Variants in CCDC69 observed in about 807,000 individuals in gnomAD.
CCDC69 encodes coiled-coil domain-containing protein 69.
In CCDC69, 38 loss-of-function variants were observed where a neutral mutation model predicts 40.3. The observed-to-expected ratio is 0.94, with a 90% CI of 0.73 to 1.24. CCDC69 has a LOEUF of 1.24. CCDC69 is among the 50% of genes most tolerant of loss of function. The pLI, the probability that CCDC69 is intolerant of heterozygous loss-of-function variation, is 0.00. For missense variants in CCDC69, 389 were observed against 357.9 expected, an observed-to-expected ratio of 1.09 and a Z score of -0.70; for synonymous variants, 141 against 138.9, an observed-to-expected ratio of 1.02 and a Z score of -0.11.
chr5:151,208,285 T>C (rs1752881699), intron 1 of CCDC69, among the ~76,000 whole-genome samples: 2 of 151,982 alleles, frequency 1.3e-5, no homozygotes, highest in Admixed American at 1.3e-4. Flanking sequence ...AGTCAAACTA[T>C]GAAGAGGCTA....
intron 1 of CCDC69, among the ~76,000 whole-genome samples, chr5:151,207,454 G>C (rs2113997609): frequency 6.6e-6 from 1 of 151,910 alleles, no homozygotes; most frequent in East Asian, 1.9e-4. Flanking sequence ...ACCACGCCCG[G>C]CTAATTTTTT....
intron 4 of CCDC69, among the ~76,000 whole-genome samples, chr5:151,194,081 C>A (rs1752661144): frequency 6.6e-6 from 1 of 152,218 alleles, no homozygotes; most frequent in Non-Finnish European, 1.5e-5. Context: ...CATGAAGTAG[C>A]AACGGTATAA....
chr5:151,213,891 C>G (rs933505282), intron 1 of CCDC69, among the ~76,000 whole-genome samples: 10 of 152,356 alleles, frequency 6.6e-5, no homozygotes, highest in Admixed American at 2.0e-4. Flanking sequence ...GCCTGGCTTC[C>G]TCTGAGCATG....
At chr5:151,219,204 G>A (rs55894958) in intron 1 of CCDC69, among the ~76,000 whole-genome samples, 2 of 152,162 alleles carry the variant, frequency 1.3e-5, no homozygotes, top group African/African-American at 2.4e-5. Flanking sequence ...CTTACCAACC[G>A]AGCTAGAAGA....
At chr5:151,222,067 C>T (rs916981995) in intron 1 of CCDC69, among the ~76,000 whole-genome samples, 1 of 152,256 alleles carries the variant, frequency 6.6e-6, no homozygotes, top group Non-Finnish European at 1.5e-5. Flanking sequence ...CTAAAGTCAT[C>T]AAGAAGCCAC....
intron 4 of CCDC69, among the ~76,000 whole-genome samples, chr5:151,189,471 A>C (rs1752577278): frequency 6.6e-6 from 1 of 152,142 alleles, no homozygotes; most frequent in Non-Finnish European, 1.5e-5. Context: ...TTAGAAAAAA[A>C]AATGAACGGA....
rs541362765 is a variant in CCDC69 at position 151,182,928 on chromosome 5, G to A, written c.*509C>T. The A allele has an allele frequency of 2.7e-5, 11 of 408,048 alleles. No homozygotes were observed. The East Asian group carries it at 7.9e-4, about 29-fold the overall frequency. 25.3% of individuals were successfully genotyped at this position (408,048 alleles called of 1,614,324 possible). A position where few individuals can be genotyped will look rare whatever the true frequency, so the allele number is the denominator to read the frequency against. On this transcript the variant is annotated 3_prime_UTR_variant, in exon 9 of 9. Coordinates refer to ENST00000355417, the MANE Select transcript of CCDC69 (RefSeq NM_015621.3). Reference sequence around the variant, plus strand: ...CTACTCTGGCCTTCAGACAATCCTAGAATGGGACACTGCAGTGACATAAGA... The same window carrying A: ...CTACTCTGGCCTTCAGACAATCCTAAAATGGGACACTGCAGTGACATAAGA...
At chr5:151,192,361 C>A (rs1164418654) in intron 4 of CCDC69, among the ~76,000 whole-genome samples, 1 of 150,364 alleles carries the variant, frequency 6.7e-6, no homozygotes, top group African/African-American at 2.4e-5. Context: ...ACAGACACAG[C>A]AGATATATGA....
chr5:151,203,655 T>G (rs1752808067), intron 2 of CCDC69, among the ~76,000 whole-genome samples: 1 of 140,938 alleles, frequency 7.1e-6, no homozygotes, highest in African/African-American at 2.6e-5. Context: ...CTTCTGCATA[T>G]TTAGTATATA....
chr5:151,217,084 T>C (rs1753054953), intron 1 of CCDC69, among the ~76,000 whole-genome samples: 2 of 152,270 alleles, frequency 1.3e-5, no homozygotes, highest in Admixed American at 6.5e-5. Context: ...TCCCAACACA[T>C]AGAAATGATA....
intron 1 of CCDC69, among the ~76,000 whole-genome samples, chr5:151,206,724 G>A (rs1359951797): frequency 6.6e-6 from 1 of 151,656 alleles, no homozygotes; most frequent in East Asian, 2.0e-4. Flanking sequence ...TCCACCTCCT[G>A]GGTTCAAGTG....
chr5:151,203,897 AATAT>A (rs1752816228), intron 2 of CCDC69, among the ~76,000 whole-genome samples: 1 of 143,474 alleles, frequency 7.0e-6, no homozygotes, highest in South Asian at 2.1e-4. Flanking sequence ...ATATATATAA[AATAT>A]ATATCGTATA....
At chr5:151,195,444 G>A (rs1752683114) in intron 4 of CCDC69, among the ~76,000 whole-genome samples, 1 of 152,046 alleles carries the variant, frequency 6.6e-6, no homozygotes, top group African/African-American at 2.4e-5. Context: ...TCTTCGGCTG[G>A]GCGAGGTGGC....
At chr5:151,223,836 G>C in intron 1 of CCDC69, 87 bp downstream of exon 1, 3 of 1,360,438 alleles carry the variant, frequency 2.2e-6, no homozygotes, top group South Asian at 2.5e-5. Flanking sequence ...CGACCAGAGA[G>C]AGCCCGGGGC....
At chr5:151,205,036 G>A (rs2113996132) in intron 2 of CCDC69, among the ~76,000 whole-genome samples, 1 of 113,526 alleles carries the variant, frequency 8.8e-6, no homozygotes, top group East Asian at 6.5e-4. Context: ...CCTCCCTATG[G>A]TGACATCTTC....
intron 1 of CCDC69, among the ~76,000 whole-genome samples, chr5:151,214,520 G>C (rs192226848): frequency 6.6e-6 from 1 of 152,286 alleles, no homozygotes; most frequent in Admixed American, 6.5e-5. Context: ...GCCTGAATTT[G>C]ATGTCATTGA....
At chr5:151,214,957 C>T (rs955128474) in intron 1 of CCDC69, among the ~76,000 whole-genome samples, 1 of 152,198 alleles carries the variant, frequency 6.6e-6, no homozygotes, top group South Asian at 2.1e-4. Flanking sequence ...TTTTCTTCCT[C>T]CCTAGGGCTC....
At chr5:151,211,792 G>C (rs1275685638) in intron 1 of CCDC69, among the ~76,000 whole-genome samples, 1 of 152,078 alleles carries the variant, frequency 6.6e-6, no homozygotes, top group Non-Finnish European at 1.5e-5. Flanking sequence ...CCAAAGTGCT[G>C]AGATTACAGG....
chr5:151,203,772 A>C (rs1752811107), intron 2 of CCDC69, among the ~76,000 whole-genome samples: 1 of 138,226 alleles, frequency 7.2e-6, no homozygotes, highest in African/African-American at 2.7e-5. Flanking sequence ...TATAGTATAT[A>C]TATACTAATA....
Sources: allele counts gnomAD v4.1 joint callset (sites outside exome capture counted in the v4.1 genomes callset), GRCh38; gene constraint gnomAD v4.1.1; transcripts MANE v1.5; gene names NCBI Gene and HGNC (gene_info 2026-07-23, HGNC 2026-07-21).